The following PEX3 variants were observed in gnomAD, a reference collection of about 807,000 sequenced individuals.
The protein encoded by PEX3 is peroxisomal biogenesis factor 3, also known as peroxin-3.
PEX3 carries 30 observed loss-of-function variants against 55.8 expected under a neutral mutation model. The observed-to-expected ratio is 0.54, with a 90% CI of 0.40 to 0.73. The LOEUF (loss-of-function observed/expected upper bound fraction) is 0.73. PEX3 is among the 30% of genes least tolerant of loss of function. The pLI, the probability that PEX3 is intolerant of heterozygous loss-of-function variation, is 0.00. For missense variants in PEX3, 351 were observed against 432.8 expected (o/e 0.81, Z 1.68); for synonymous variants, 135 against 148.4 (o/e 0.91, Z 0.66).
chr6:143,456,102 A>G (rs1349704698), intron 1 of PEX3, among the ~76,000 whole-genome samples: 1 of 152,216 alleles, frequency 6.6e-6, no homozygotes, highest in African/African-American at 2.4e-5. Context: ...TTCATTGTTA[A>G]TACATAAAGT....
At chr6:143,455,524 G>A (rs995761055) in intron 1 of PEX3, among the ~76,000 whole-genome samples, 16 of 151,704 alleles carry the variant, frequency 1.1e-4, no homozygotes, top group African/African-American at 3.9e-4. Context: ...CCATTTAGGG[G>A]TATTTTCAAG....
intron 3 of PEX3, 119 bp from the exon 4 acceptor site, chr6:143,468,003 C>T: frequency 1.7e-6 from 1 of 596,896 alleles, no homozygotes; most frequent in Non-Finnish European, 2.9e-6. Flanking sequence ...TGCTTTTCTG[C>T]AGTTATGCTG....
At position 143,459,059 on chromosome 6, in the gene PEX3, A is replaced by G. The variant is rs1779884065; in HGVS notation, c.74-26A>G. ...TGTAGAATTTTTGGTACTCTAATGAATATAGTACTTTTTTAATGATTGTAG... is the reference window on the plus strand; with the variant it reads ...TGTAGAATTTTTGGTACTCTAATGAGTATAGTACTTTTTTAATGATTGTAG... On this transcript the variant is annotated intron_variant, in intron 1 of 11. Coordinates refer to ENST00000367591, the MANE Select transcript of PEX3 (RefSeq NM_003630.3). The surrounding 1 kb of genome is among the most constrained non-coding windows in gnomAD (Gnocchi z 4.2). 2.0e-6 allele frequency: 3 copies of G among 1,497,016 alleles called. No individual in the cohort carries two copies. The highest frequency in any genetic ancestry group is 1.7e-5 in the Admixed American group (1 of 59,702). The allele number at this position is 1,497,016 out of a possible 1,614,324, so 92.7% of individuals were successfully genotyped here.
At chr6:143,473,094 C>T (rs1234690500) in intron 8 of PEX3, among the ~76,000 whole-genome samples, 1 of 152,112 alleles carries the variant, frequency 6.6e-6, no homozygotes, top group Non-Finnish European at 1.5e-5. Context: ...ACTGGAAAAG[C>T]CTTAGAACAG....
chr6:143,468,218 A>G, intron 4 of PEX3, 53 bp downstream of exon 4: 2 of 1,195,906 alleles, frequency 1.7e-6, no homozygotes, highest in Middle Eastern at 1.9e-4. Flanking sequence ...TTATAAAGGG[A>G]AATGTTTGCA....
At chr6:143,469,110 A>G (rs1295106819) in intron 4 of PEX3, among the ~76,000 whole-genome samples, 2 of 152,072 alleles carry the variant, frequency 1.3e-5, no homozygotes, top group South Asian at 2.1e-4. Context: ...AGTCTTTGCT[A>G]TTGTGAATAG....
In PEX3 at chr6:143,489,402, A is replaced by G. The variant is rs1242067680; in HGVS notation, c.*176A>G. On this transcript the variant is annotated 3_prime_UTR_variant, in exon 12 of 12. Transcript: ENST00000367591. The surrounding 1 kb of genome is among the most constrained non-coding windows in gnomAD (Gnocchi z 5.5). The stretch of plus-strand genomic sequence containing the variant: ...ATTTGGCATCTTAATATATTTTTTT[A>G]GATTCATCAACAGACCAGTTTTTGT... 7.4e-6 allele frequency: 4 copies of G among 541,752 alleles called. No individual in the cohort carries two copies. In the East Asian group the frequency reaches 1.3e-4, roughly 18 times the overall value. The allele number at this position is 541,752 out of a possible 1,614,324, so 33.6% of individuals were successfully genotyped here.
intron 2 of PEX3, among the ~76,000 whole-genome samples, chr6:143,461,876 A>T (rs1314286845): frequency 6.6e-6 from 1 of 152,208 alleles, no homozygotes; most frequent in Non-Finnish European, 1.5e-5. Context: ...TGAGCCCAGG[A>T]GGTCAAGGCT....
chr6:143,456,070 T>C lies in PEX3; in HGVS notation c.74-3015T>C, dbSNP rs1323783717. ...AACTCAAAGCATTTGACATTTATTT[T>C]TTAAGGTATTTAGTAAATATTTTCA... On this transcript the variant is annotated intron_variant, in intron 1 of 11. Coordinates refer to ENST00000367591, the MANE Select transcript of PEX3 (RefSeq NM_003630.3). 2.0e-5 allele frequency among the ~76,000 whole-genome samples: 3 copies of C among 152,354 alleles called. No individual in the cohort carries two copies. In the East Asian group the frequency reaches 5.8e-4, roughly 29 times the overall value.
Position 143,488,628 on chromosome 6 carries a change from GTAA to G in PEX3, c.1039-513_1039-511del, listed in dbSNP as rs1243372841. ...GTTAGAAGTTAAAGAAAATGAAGGT[GTAA>G]TTTTTTTCTTATCTTCACATTCGCA... On this transcript the variant is annotated intron_variant, in intron 11 of 11. Transcript: ENST00000367591. This position sits in a 1 kb window ranked among gnomAD's most constrained non-coding sequence, Gnocchi z 4.9. 6.6e-6 allele frequency among the ~76,000 whole-genome samples: 1 copy of G among 152,068 alleles called. No homozygotes were observed. Among genetic ancestry groups the G allele is most frequent in the Non-Finnish European group, 1.5e-5 (1 of 67,948 alleles).
intron 3 of PEX3, among the ~76,000 whole-genome samples, chr6:143,467,453 A>G (rs1320741551): frequency 6.6e-6 from 1 of 152,138 alleles, no homozygotes; most frequent in Non-Finnish European, 1.5e-5. Context: ...GTAGCAATGA[A>G]CATTCTGCAT....
rs1228997841 is a variant in PEX3 at position 143,479,048 on chromosome 6, A to T, written c.819-28A>T. 6.9e-7 allele frequency: 1 copy of T among 1,453,044 alleles called. No homozygotes were observed. The highest frequency in any genetic ancestry group is 9.7e-7 in the Non-Finnish European group (1 of 1,034,930). 90.0% of individuals were successfully genotyped at this position (1,453,044 alleles called of 1,614,324 possible). A position where few individuals can be genotyped will look rare whatever the true frequency, so the allele number is the denominator to read the frequency against. ...TTTCTCTTCCATTCAGAGTCTAAAA[A>T]GTAACTTATACTTCTTACTTTATAT... On this transcript the variant is annotated intron_variant, in intron 9 of 11. Coordinates refer to ENST00000367591, the MANE Select transcript of PEX3 (RefSeq NM_003630.3). The surrounding 1 kb of genome is among the most constrained non-coding windows in gnomAD (Gnocchi z 4.6).
chr6:143,463,521 A>G lies in PEX3; in HGVS notation c.287+524A>G, dbSNP rs1184020032. On this transcript the variant is annotated intron_variant, in intron 3 of 11. Coordinates refer to ENST00000367591, the MANE Select transcript of PEX3 (RefSeq NM_003630.3). The surrounding 1 kb of genome is among the most constrained non-coding windows in gnomAD (Gnocchi z 5.7). ...TTGCTGTTTCCAAAAGCACTTTCAC[A>G]TATGTAACCTTGTATATTGCATGTA... Among the ~76,000 whole-genome samples, 1 of 151,270 alleles carries G rather than the reference A, an allele frequency of 6.6e-6. No individual in the cohort carries two copies. The highest frequency in any genetic ancestry group is 1.5e-5 in the Non-Finnish European group (1 of 68,018).
chr6:143,481,834 T>C (rs939719779), intron 10 of PEX3, among the ~76,000 whole-genome samples: 8 of 152,092 alleles, frequency 5.3e-5, no homozygotes, highest in African/African-American at 1.9e-4. Flanking sequence ...CTGGGGAATA[T>C]AGCAAGACTC....
chr6:143,468,079 T>C (rs1562653629), intron 3 of PEX3, 43 bp from the exon 4 acceptor site: 1 of 1,024,754 alleles, frequency 9.8e-7, no homozygotes, highest in Admixed American at 1.8e-5. Context: ...TCTATTAGAT[T>C]ATCTAGATTA....
chr6:143,462,451 G>A lies in PEX3; in HGVS notation c.206-465G>A, dbSNP rs754939643. ...TATAATAAATGTTTATTACTTTGTA[G>A]TATTTAATAAACTTTTTAAAAATTA... is the stretch of plus-strand genomic sequence containing the variant. On this transcript the variant is annotated intron_variant, in intron 2 of 11. Transcript: ENST00000367591. The surrounding 1 kb of genome is among the most constrained non-coding windows in gnomAD (Gnocchi z 4.1). Among the ~76,000 whole-genome samples the A allele has an allele frequency of 1.3e-5, 2 of 152,074 alleles. No individual in the cohort carries two copies. Among genetic ancestry groups the A allele is most frequent in the Non-Finnish European group, 2.9e-5 (2 of 68,000 alleles).
Position 143,462,166 on chromosome 6 carries a change from G to A in PEX3, c.206-750G>A, listed in dbSNP as rs1036015763. On this transcript the variant is annotated intron_variant, in intron 2 of 11. Coordinates refer to ENST00000367591, the MANE Select transcript of PEX3 (RefSeq NM_003630.3). This position sits in a 1 kb window ranked among gnomAD's most constrained non-coding sequence, Gnocchi z 4.1. ...ACATGAAGTTTTTTTCCCATAGATT[G>A]CTAGTCTCATTTCATCTTCACATTA... Among the ~76,000 whole-genome samples the A allele has an allele frequency of 1.2e-4, 18 of 152,004 alleles. No individual in the cohort carries two copies. Among genetic ancestry groups the A allele is most frequent in the African/African-American group, 3.9e-4 (16 of 41,362 alleles).
chr6:143,462,569 GGA>G lies in PEX3; in HGVS notation c.206-343_206-342del, dbSNP rs1298535213. On this transcript the variant is annotated intron_variant, in intron 2 of 11. Transcript: ENST00000367591. The surrounding 1 kb of genome is among the most constrained non-coding windows in gnomAD (Gnocchi z 4.1). ...AAGTAAACACTTTTGTAAAAAATTT[GGA>G]GAGTATGGAAAAGAAAAAAAAGGAA... 6.6e-6 allele frequency among the ~76,000 whole-genome samples: 1 copy of G among 151,998 alleles called. No individual in the cohort carries two copies. The highest frequency in any genetic ancestry group is 1.5e-5 in the Non-Finnish European group (1 of 68,000).
chr6:143,484,325 G>A (rs1780284734), intron 10 of PEX3, among the ~76,000 whole-genome samples: 1 of 151,972 alleles, frequency 6.6e-6, no homozygotes, highest in Non-Finnish European at 1.5e-5. Context: ...GGAATCTGTT[G>A]GGCAACGGGG....
Sources: gnomAD v4.1 joint callset for allele counts (sites outside exome capture counted in the v4.1 genomes callset) on GRCh38, gnomAD v4.1.1 for gene constraint, Gnocchi (gnomAD v3.1) non-coding constraint, MANE v1.5 for transcripts, NCBI Gene and HGNC (gene_info 2026-07-23, HGNC 2026-07-21) for gene names.